The following ACOXL variants were observed in gnomAD, a reference collection of about 807,000 sequenced individuals.
The protein encoded by ACOXL is acyl-coenzyme A oxidase-like protein.
Under a neutral mutation model 71.9 loss-of-function variants are expected in ACOXL, and 70 were observed. The observed-to-expected ratio is 0.97, with a 90% CI of 0.80 to 1.19. The LOEUF (loss-of-function observed/expected upper bound fraction) is 1.19. Ranked by LOEUF, ACOXL falls within the 50% of genes most tolerant of loss-of-function variation. The pLI is 0.00. For synonymous variants in ACOXL, 253 were observed against 281.6 expected (o/e 0.90, Z 1.02); for missense variants, 703 against 736.3 (o/e 0.95, Z 0.52).
intron 2 of ACOXL, among the ~76,000 whole-genome samples, chr2:110,779,096 C>T (rs746338382): frequency 6.6e-5 from 10 of 152,214 alleles, no homozygotes; most frequent in Non-Finnish European, 1.5e-4. Flanking sequence ...CCTACACTGT[C>T]AGGGTCCTGC....
chr2:111,078,323 G>A (rs1283925122), intron 16 of ACOXL, among the ~76,000 whole-genome samples: 1 of 152,006 alleles, frequency 6.6e-6, no homozygotes, highest in East Asian at 1.9e-4. Context: ...AGAGTGCAAT[G>A]GCGCGATGTC....
chr2:110,801,946 C>T (rs183108000), intron 8 of ACOXL, among the ~76,000 whole-genome samples: 11 of 152,322 alleles, frequency 7.2e-5, no homozygotes, highest in African/African-American at 2.6e-4. Flanking sequence ...GACTGTTACA[C>T]TTCAATATAC....
intron 10 of ACOXL, among the ~76,000 whole-genome samples, chr2:110,850,140 G>A (rs1413855371): frequency 6.6e-6 from 1 of 152,182 alleles, no homozygotes; most frequent in Non-Finnish European, 1.5e-5. Context: ...TAAATGTAAA[G>A]CCTAAAACCG....
intron 1 of ACOXL, among the ~76,000 whole-genome samples, chr2:110,753,764 G>T (rs1464571871): frequency 6.6e-6 from 1 of 152,116 alleles, no homozygotes; most frequent in Non-Finnish European, 1.5e-5. Flanking sequence ...CATGGGATAG[G>T]TATCTGTTTA....
chr2:110,921,532 TA>T (rs2060076926), intron 11 of ACOXL, among the ~76,000 whole-genome samples: 1 of 152,070 alleles, frequency 6.6e-6, no homozygotes, highest in South Asian at 2.1e-4. Flanking sequence ...TAGCTGGGAC[TA>T]CAGGTGCCTG....
intron 10 of ACOXL, among the ~76,000 whole-genome samples, chr2:110,858,316 A>G (rs1270606957): frequency 6.6e-6 from 1 of 152,164 alleles, no homozygotes; most frequent in Non-Finnish European, 1.5e-5. Flanking sequence ...TGTCCTGGGA[A>G]GTCCGGGTGG....
chr2:111,001,387 A>AAAAACAAAAC (rs138811808), intron 14 of ACOXL, among the ~76,000 whole-genome samples: 42,911 of 150,906 alleles, frequency 0.28, 6,195 homozygotes, highest in Middle Eastern at 0.33. Flanking sequence ...ACAAGTGGAG[A>AAAAACAAAAC]AAAACAAAAC....
intron 10 of ACOXL, among the ~76,000 whole-genome samples, chr2:110,858,129 A>G (rs1316156247): frequency 6.6e-6 from 1 of 152,136 alleles, no homozygotes; most frequent in African/African-American, 2.4e-5. Context: ...GCCAAAGAAG[A>G]TATCTGTTTC....
chr2:110,791,269 A>T (rs138603588), intron 3 of ACOXL, among the ~76,000 whole-genome samples: 1 of 152,252 alleles, frequency 6.6e-6, no homozygotes, highest in Non-Finnish European at 1.5e-5. Flanking sequence ...GTTCACTTCC[A>T]CAGCCCAGGG....
chr2:110,849,682 C>T lies in ACOXL; in HGVS notation c.788+8277C>T, dbSNP rs185695155. 1.9e-3 allele frequency among the ~76,000 whole-genome samples: 284 copies of T among 152,188 alleles called. 1 individual carries two copies. Among genetic ancestry groups the T allele is most frequent in the African/African-American group, 6.2e-3 (258 of 41,510 alleles). ...CTGAGGCAGGAGAATTGCTTGAACC[C>T]GGGAGGTGGAGGTTGCAGTGAGCCG... On this transcript the variant is annotated intron_variant, in intron 10 of 17. Transcript: ENST00000439055.
At chr2:110,771,638 G>GA (rs1410111669) in intron 2 of ACOXL, among the ~76,000 whole-genome samples, 3 of 152,152 alleles carry the variant, frequency 2.0e-5, no homozygotes, top group Admixed American at 6.5e-5. Flanking sequence ...ATTTTAAAGC[G>GA]AAAAAACAAT....
At chr2:110,964,745 C>G (rs72834544) in intron 12 of ACOXL, among the ~76,000 whole-genome samples, 21,113 of 152,196 alleles carry the variant, frequency 0.14, 2,472 homozygotes, top group African/African-American at 0.32. Context: ...TTGTTACATG[C>G]CTTGAGTGTA....
intron 9 of ACOXL, among the ~76,000 whole-genome samples, chr2:110,814,630 C>T (rs1326051694): frequency 6.6e-6 from 1 of 152,106 alleles, no homozygotes; most frequent in Non-Finnish European, 1.5e-5. Flanking sequence ...TGGGTTATAA[C>T]TTTATGTATT....
chr2:110,758,762 G>A (rs1680009867), intron 1 of ACOXL, among the ~76,000 whole-genome samples: 1 of 152,142 alleles, frequency 6.6e-6, no homozygotes, highest in Non-Finnish European at 1.5e-5. Flanking sequence ...TTTTAGTTGA[G>A]ATGTTAGGTT....
chr2:110,861,961 G>A (rs944678637), intron 10 of ACOXL, among the ~76,000 whole-genome samples: 6 of 152,178 alleles, frequency 3.9e-5, no homozygotes, highest in African/African-American at 7.2e-5. Flanking sequence ...GACAGATGGC[G>A]GAAGCATAAA....
chr2:110,826,271 G>A lies in ACOXL; in HGVS notation c.754-15100G>A, dbSNP rs911639245. Among the ~76,000 whole-genome samples, 3 of 152,096 alleles carry A rather than the reference G, an allele frequency of 2.0e-5. No homozygotes were observed. In the South Asian group the frequency reaches 6.2e-4, roughly 32 times the overall value. ...TTCGGCATCTCCCTATTGTCTCTAG[G>A]GTTAAAAGTTCCCAATATTTAATAT... On this transcript the variant is annotated intron_variant, in intron 9 of 17. Coordinates refer to ENST00000439055, the MANE Select transcript of ACOXL (RefSeq NM_001142807.4).
chr2:111,001,003 G>A (rs564220073), intron 14 of ACOXL, among the ~76,000 whole-genome samples: 17 of 152,256 alleles, frequency 1.1e-4, no homozygotes, highest in African/African-American at 2.6e-4. Flanking sequence ...CCAGAAATGT[G>A]TAATCTAAGG....
At chr2:110,757,742 G>GT (rs60916256) in intron 1 of ACOXL, among the ~76,000 whole-genome samples, 76 of 145,676 alleles carry the variant, frequency 5.2e-4, no homozygotes, top group African/African-American at 7.5e-4. Flanking sequence ...TTTTAATGGG[G>GT]TTTTTTTTTT....
chr2:111,061,549 A>C (rs1357250553), intron 16 of ACOXL, among the ~76,000 whole-genome samples: 2 of 152,200 alleles, frequency 1.3e-5, no homozygotes, highest in Admixed American at 1.3e-4. Flanking sequence ...ATCAAGAATC[A>C]TCAGGAAAGA....
Sources: gnomAD v4.1 joint callset for allele counts (sites outside exome capture counted in the v4.1 genomes callset) on GRCh38, gnomAD v4.1.1 for gene constraint, MANE v1.5 for transcripts, NCBI Gene and HGNC (gene_info 2026-07-23, HGNC 2026-07-21) for gene names.